POU6F2: variants seen among roughly 807,000 people sequenced by gnomAD.
The protein encoded by POU6F2 is POU domain, class 6, transcription factor 2.
POU6F2 carries 31 observed loss-of-function variants against 71.3 expected under a neutral mutation model. That is an observed-to-expected ratio of 0.43 (90% CI 0.33 to 0.59). The LOEUF (loss-of-function observed/expected upper bound fraction) is 0.59. POU6F2 is among the 20% of genes least tolerant of loss of function. The pLI is 0.04. For synonymous variants in POU6F2, 347 were observed against 355.7 expected (o/e 0.98, Z 0.27); for missense variants, 783 against 856.8 (o/e 0.91, Z 1.07).
chr7:39,081,924 C>A (rs1791128013), intron 1 of POU6F2, among the ~76,000 whole-genome samples: 2 of 152,188 alleles, frequency 1.3e-5, no homozygotes, highest in African/African-American at 4.8e-5. Flanking sequence ...TTTGAAAATG[C>A]AGCTTTACCA....
At chr7:39,341,381 A>G (rs1785913900) in intron 5 of POU6F2, among the ~76,000 whole-genome samples, 2 of 152,184 alleles carry the variant, frequency 1.3e-5, no homozygotes, top group Non-Finnish European at 1.5e-5. Context: ...AATTCTTACG[A>G]TGGTGAGACA....
At chr7:39,282,181 G>C (rs1784574236) in intron 4 of POU6F2, among the ~76,000 whole-genome samples, 1 of 152,014 alleles carries the variant, frequency 6.6e-6, no homozygotes, top group Admixed American at 6.6e-5. Context: ...TATATATTCT[G>C]TATATTAACT....
intron 5 of POU6F2, among the ~76,000 whole-genome samples, chr7:39,389,299 A>G (rs1171249535): frequency 6.6e-6 from 1 of 152,184 alleles, no homozygotes; most frequent in Non-Finnish European, 1.5e-5. Context: ...CTTCAAAACA[A>G]TCTTGTCACT....
intron 4 of POU6F2, among the ~76,000 whole-genome samples, chr7:39,245,011 A>G (rs1307532268): frequency 1.3e-5 from 2 of 152,214 alleles, no homozygotes; most frequent in African/African-American, 2.4e-5. Context: ...GAAAAAAGCT[A>G]TCCTGGAGAT....
chr7:39,177,153 A>C (rs1471461706), intron 2 of POU6F2, among the ~76,000 whole-genome samples: 1 of 152,224 alleles, frequency 6.6e-6, no homozygotes, highest in Non-Finnish European at 1.5e-5. Flanking sequence ...TGCAAAACCC[A>C]GTGTCCATCA....
chr7:39,083,517 T>G (rs556256742), intron 1 of POU6F2: 1 of 117,492 alleles, frequency 8.5e-6, no homozygotes, highest in East Asian at 2.9e-4. Flanking sequence ...ACCCACCAAC[T>G]GAATCAGAAC....
chr7:39,289,118 C>A (rs902081788), intron 4 of POU6F2, among the ~76,000 whole-genome samples: 8 of 152,154 alleles, frequency 5.3e-5, no homozygotes, highest in African/African-American at 1.4e-4. Flanking sequence ...CTTATTTTCC[C>A]CCCATGAACC....
intron 6 of POU6F2, among the ~76,000 whole-genome samples, chr7:39,413,673 AT>A (rs959256235): frequency 5.3e-5 from 8 of 151,272 alleles, no homozygotes; most frequent in South Asian, 4.2e-4. Context: ...TTCAAGTAGC[AT>A]TTTTTTTTAA....
chr7:39,388,106 T>G (rs1786985662), intron 5 of POU6F2, among the ~76,000 whole-genome samples: 1 of 152,114 alleles, frequency 6.6e-6, no homozygotes, highest in Non-Finnish European at 1.5e-5. Flanking sequence ...ATGGAGAGGT[T>G]TTTTGGTGAA....
chr7:39,389,851 C>T (rs1248563331), intron 5 of POU6F2, among the ~76,000 whole-genome samples: 2 of 152,136 alleles, frequency 1.3e-5, no homozygotes. Context: ...AGTTCAAACC[C>T]TATGACTTTT....
intron 2 of POU6F2, among the ~76,000 whole-genome samples, chr7:39,201,765 C>T (rs1793909041): frequency 6.6e-6 from 1 of 152,220 alleles, no homozygotes; most frequent in Non-Finnish European, 1.5e-5. Flanking sequence ...AAACGTTCAG[C>T]TAAGTGTTGC....
chr7:39,407,726 C>G (rs1787466681), intron 6 of POU6F2, among the ~76,000 whole-genome samples: 1 of 152,034 alleles, frequency 6.6e-6, no homozygotes, highest in African/African-American at 2.4e-5. Flanking sequence ...TGTCTTGAAC[C>G]CTGTTTTTAT....
At chr7:39,357,567 G>A (rs548694956) in intron 5 of POU6F2, among the ~76,000 whole-genome samples, 18 of 152,190 alleles carry the variant, frequency 1.2e-4, no homozygotes, top group African/African-American at 4.1e-4. Flanking sequence ...TCATTCTCAG[G>A]ACTGTTCTGG....
chr7:39,003,816 T>A (rs988854373), intron 1 of POU6F2, among the ~76,000 whole-genome samples: 1 of 152,094 alleles, frequency 6.6e-6, no homozygotes, highest in Non-Finnish European at 1.5e-5. Flanking sequence ...TACAATTGTT[T>A]TCAAAGAAAT....
intron 7 of POU6F2, among the ~76,000 whole-genome samples, chr7:39,449,093 G>C (rs191192466): frequency 6.6e-6 from 1 of 152,244 alleles, no homozygotes; most frequent in Non-Finnish European, 1.5e-5. Context: ...CCTCTACTTC[G>C]CATAGCTGAG....
intron 1 of POU6F2, among the ~76,000 whole-genome samples, chr7:39,014,331 C>G (rs1488585409): frequency 6.6e-6 from 1 of 152,160 alleles, no homozygotes; most frequent in East Asian, 1.9e-4. Context: ...ATGAAGGTCT[C>G]TTCCAGCTAA....
At chr7:38,992,902 C>A (rs969964245) in intron 1 of POU6F2, among the ~76,000 whole-genome samples, 2 of 152,140 alleles carry the variant, frequency 1.3e-5, no homozygotes, top group African/African-American at 4.8e-5. Context: ...ACTTTTAATA[C>A]AAAAGGCCAC....
At chr7:39,106,432 T>C (rs957344043) in intron 2 of POU6F2, among the ~76,000 whole-genome samples, 3 of 152,242 alleles carry the variant, frequency 2.0e-5, no homozygotes, top group African/African-American at 4.8e-5. Context: ...TAATCTATAG[T>C]CATGCAGTAA....
chr7:39,053,876 G>A (rs1584518946), intron 1 of POU6F2, among the ~76,000 whole-genome samples: 1 of 152,222 alleles, frequency 6.6e-6, no homozygotes, highest in African/African-American at 2.4e-5. Context: ...GCAAAGGCGG[G>A]CAGATCACTT....
Sources: allele counts gnomAD v4.1 joint callset (sites outside exome capture counted in the v4.1 genomes callset), GRCh38; gene constraint gnomAD v4.1.1; transcripts MANE v1.5; gene names NCBI Gene and HGNC (gene_info 2026-07-23, HGNC 2026-07-21).